The following CDKAL1 variants were observed in gnomAD, a reference collection of about 807,000 sequenced individuals.
CDKAL1 encodes threonylcarbamoyladenosine tRNA methylthiotransferase.
Under a neutral mutation model 68.2 loss-of-function variants are expected in CDKAL1, and 32 were observed. That is an observed-to-expected ratio of 0.47 (90% confidence interval 0.35 to 0.63). The LOEUF is 0.63. CDKAL1 is among the 30% of genes least tolerant of loss of function. The pLI is 0.00. For missense variants in CDKAL1, 606 were observed against 696.7 expected (o/e 0.87, Z 1.47); for synonymous variants, 234 against 244.3 (o/e 0.96, Z 0.39).
intron 8 of CDKAL1, among the ~76,000 whole-genome samples, chr6:20,821,574 G>A (rs1008965431): frequency 1.3e-5 from 2 of 152,072 alleles, no homozygotes; most frequent in Non-Finnish European, 2.9e-5. Context: ...GCTTACCAGA[G>A]CTTAAGCTGC....
intron 8 of CDKAL1, among the ~76,000 whole-genome samples, chr6:20,814,944 A>G (rs549736157): frequency 3.9e-5 from 6 of 152,264 alleles, no homozygotes; most frequent in Non-Finnish European, 7.4e-5. Flanking sequence ...TTCCCCATCT[A>G]TATGTTGAGA....
rs80309931 is a variant in CDKAL1, at chr6:21,183,175, A to C, written c.1300-14846A>C. ...TTCCAGCATAATTCGTCTTTCCAAT[A>C]GCTACTGAAAAAAATGAATTGCAGA... On this transcript the variant is annotated intron_variant, in intron 13 of 15. Transcript: ENST00000274695. Among the ~76,000 whole-genome samples the C allele has an allele frequency of 4.9e-3, 737 of 150,800 alleles. 2 individuals are homozygous for C. Among genetic ancestry groups the C allele is most frequent in the Non-Finnish European group, 7.6e-3 (516 of 67,832 alleles).
intron 4 of CDKAL1, among the ~76,000 whole-genome samples, chr6:20,593,232 T>G (rs1413186526): frequency 6.6e-6 from 1 of 152,216 alleles, no homozygotes; most frequent in Non-Finnish European, 1.5e-5. Flanking sequence ...TGGAATAGTT[T>G]CAGAAGGAAT....
intron 4 of CDKAL1, among the ~76,000 whole-genome samples, chr6:20,597,937 C>G (rs1232377809): frequency 6.6e-6 from 1 of 152,116 alleles, no homozygotes; most frequent in Non-Finnish European, 1.5e-5. Flanking sequence ...GTGAGAGAAA[C>G]GTGGTGGTGA....
chr6:20,693,471 A>T (rs566962072), intron 5 of CDKAL1, among the ~76,000 whole-genome samples: 1 of 152,078 alleles, frequency 6.6e-6, no homozygotes, highest in African/African-American at 2.4e-5. Context: ...TGTGCATTTT[A>T]TCAAGAGGGA....
chr6:20,660,036 C>T (rs943067275), intron 5 of CDKAL1, among the ~76,000 whole-genome samples: 2 of 152,030 alleles, frequency 1.3e-5, no homozygotes, highest in Admixed American at 1.3e-4. Flanking sequence ...TGCATGCCCT[C>T]ACCTCCACCC....
chr6:21,030,590 G>A (rs1743691693), intron 11 of CDKAL1, among the ~76,000 whole-genome samples: 1 of 152,218 alleles, frequency 6.6e-6, no homozygotes, highest in African/African-American at 2.4e-5. Context: ...ATGAGAAGTA[G>A]TGTATGATAT....
intron 5 of CDKAL1, among the ~76,000 whole-genome samples, chr6:20,725,153 T>C (rs1014647566): frequency 3.3e-5 from 5 of 152,070 alleles, no homozygotes; most frequent in Non-Finnish European, 5.9e-5. Context: ...TTTTCTCTCT[T>C]TCTCCCCTTG....
intron 4 of CDKAL1, among the ~76,000 whole-genome samples, chr6:20,586,978 G>GTTTTTTTTTT (rs750210435): frequency 1.8e-4 from 8 of 44,456 alleles, no homozygotes; most frequent in African/African-American, 3.8e-4. Context: ...TCCTCCAGGT[G>GTTTTTTTTTT]TTTTTTTTTT....
At chr6:20,728,172 G>A (rs1327972876) in intron 5 of CDKAL1, among the ~76,000 whole-genome samples, 1 of 152,082 alleles carries the variant, frequency 6.6e-6, no homozygotes, top group Non-Finnish European at 1.5e-5. Flanking sequence ...GTGTATTTCT[G>A]TATAATTTGT....
intron 13 of CDKAL1, among the ~76,000 whole-genome samples, chr6:21,112,923 T>C (rs1774195931): frequency 6.6e-6 from 1 of 152,214 alleles, no homozygotes; most frequent in South Asian, 2.1e-4. Flanking sequence ...GTTCAATCTT[T>C]TTTTAAAACA....
At chr6:21,049,043 G>T (rs545653329) in intron 11 of CDKAL1, among the ~76,000 whole-genome samples, 2 of 152,164 alleles carry the variant, frequency 1.3e-5, no homozygotes, top group East Asian at 3.9e-4. Flanking sequence ...GGTGGAGGAT[G>T]AGCTTTCTTT....
intron 14 of CDKAL1, among the ~76,000 whole-genome samples, chr6:21,199,620 C>A (rs910895290): frequency 6.6e-6 from 1 of 152,084 alleles, no homozygotes; most frequent in Non-Finnish European, 1.5e-5. Flanking sequence ...TTAAAGCAGT[C>A]GGGCTTTTTC....
At chr6:20,745,590 T>C (rs1341000238) in intron 6 of CDKAL1, among the ~76,000 whole-genome samples, 2 of 152,214 alleles carry the variant, frequency 1.3e-5, no homozygotes, top group Non-Finnish European at 2.9e-5. Flanking sequence ...TGTATTCATA[T>C]ATGTTTCACC....
chr6:20,633,337 A>G (rs750387655), intron 4 of CDKAL1, among the ~76,000 whole-genome samples: 1 of 152,204 alleles, frequency 6.6e-6, no homozygotes, highest in Non-Finnish European at 1.5e-5. Flanking sequence ...AATGTTTTCA[A>G]GATTCGCCTA....
intron 15 of CDKAL1, among the ~76,000 whole-genome samples, chr6:21,212,960 T>A (rs1779212657): frequency 6.6e-6 from 1 of 152,130 alleles, no homozygotes; most frequent in Admixed American, 6.5e-5. Context: ...TGCCAACCCC[T>A]GAGAAGGAAA....
At chr6:20,683,022 G>A (rs750523053) in intron 5 of CDKAL1, among the ~76,000 whole-genome samples, 7 of 148,748 alleles carry the variant, frequency 4.7e-5, no homozygotes, top group African/African-American at 1.5e-4. Context: ...ACTTTCACAG[G>A]TGCAAGCATA....
intron 9 of CDKAL1, among the ~76,000 whole-genome samples, chr6:20,884,746 A>G (rs1180730265): frequency 1.3e-5 from 2 of 152,248 alleles, no homozygotes; most frequent in Non-Finnish European, 2.9e-5. Context: ...GGAAATTAAG[A>G]AAGTGATTCC....
intron 5 of CDKAL1, among the ~76,000 whole-genome samples, chr6:20,674,922 A>G (rs915444064): frequency 5.9e-5 from 9 of 152,170 alleles, no homozygotes; most frequent in African/African-American, 2.2e-4. Context: ...GAGTTTTATC[A>G]GGTGTGAGTG....
Sources: gnomAD v4.1 joint callset for allele counts (sites outside exome capture counted in the v4.1 genomes callset) on GRCh38, gnomAD v4.1.1 for gene constraint, MANE v1.5 for transcripts, NCBI Gene and HGNC (gene_info 2026-07-23, HGNC 2026-07-21) for gene names.